The following ADCYAP1R1 variants were observed in gnomAD, a reference collection of about 807,000 sequenced individuals.
ADCYAP1R1 encodes pituitary adenylate cyclase-activating polypeptide type I receptor.
In ADCYAP1R1, 44 loss-of-function variants were observed where a neutral mutation model predicts 67.6. That is an observed-to-expected ratio of 0.65 (90% CI 0.51 to 0.84). The LOEUF (loss-of-function observed/expected upper bound fraction) is 0.84. Among genes scored for constraint, ADCYAP1R1 ranks in the 40% least tolerant of loss-of-function variants. The probability of loss-of-function intolerance (pLI) is 0.00; values close to 1 mark genes in which losing one functional copy is unlikely to be tolerated. For synonymous variants in ADCYAP1R1, 222 were observed against 219.6 expected (o/e 1.01, Z -0.10); for missense variants, 477 against 587.9 (o/e 0.81, Z 1.95).
chr7:31,091,632 G>A (rs1795965530), intron 12 of ADCYAP1R1, among the ~76,000 whole-genome samples: 1 of 152,004 alleles, frequency 6.6e-6, no homozygotes, highest in Non-Finnish European at 1.5e-5. Context: ...TCTGCCTATG[G>A]TGAACCAGCA....
chr7:31,070,650 C>T lies in ADCYAP1R1; in HGVS notation c.157+5714C>T, dbSNP rs74842209. On this transcript the variant is annotated intron_variant, in intron 3 of 15. Coordinates refer to ENST00000304166, the MANE Select transcript of ADCYAP1R1 (RefSeq NM_001118.5). ...AAGCCTGAGGAAAGGGTGGTGTCTG[C>T]AGGGACCCTCATGCTGAGGAACTTA... 1.2e-4 allele frequency among the ~76,000 whole-genome samples: 18 copies of T among 152,358 alleles called. No individual in the cohort carries two copies. The East Asian group carries it at 3.3e-3, about 28-fold the overall frequency.
chr7:31,069,828 G>A (rs1794900643), intron 3 of ADCYAP1R1, among the ~76,000 whole-genome samples: 1 of 152,212 alleles, frequency 6.6e-6, no homozygotes, highest in Non-Finnish European at 1.5e-5. Flanking sequence ...GCCGTGGGGA[G>A]TGAAAGCAAG....
rs1368055202 is a variant in ADCYAP1R1, at chr7:31,108,243, G to A, written c.*1559G>A. On this transcript the variant is annotated 3_prime_UTR_variant, in exon 16 of 16. Transcript: ENST00000304166. ...AGAGGCTTTCAGAGTGGCTGGAAAA[G>A]GCTCTTGTTGCTGTAATTTAGAGAG... 1.3e-5 allele frequency: 2 copies of A among 152,236 alleles called. No individual in the cohort carries two copies. The highest frequency in any genetic ancestry group is 2.9e-5 in the Non-Finnish European group (2 of 68,046). 9.4% of individuals were successfully genotyped at this position (152,236 alleles called of 1,614,324 possible).
At position 31,108,147 on chromosome 7, in the gene ADCYAP1R1, T is replaced by A. The variant is rs4403321; in HGVS notation, c.*1463T>A. Reference sequence around the variant, plus strand: ...GATGCTCTGGAATGCTTGGGGACTTTGGGTGGAGGAGGATGTTACTTCATT... The same window carrying A: ...GATGCTCTGGAATGCTTGGGGACTTAGGGTGGAGGAGGATGTTACTTCATT... On this transcript the variant is annotated 3_prime_UTR_variant, in exon 16 of 16. Coordinates refer to ENST00000304166, the MANE Select transcript of ADCYAP1R1 (RefSeq NM_001118.5). 1 of 152,126 alleles carries A rather than the reference T, an allele frequency of 6.6e-6. No individual in the cohort carries two copies. The highest frequency in any genetic ancestry group is 1.5e-5 in the Non-Finnish European group (1 of 68,014). The allele number at this position is 152,126 out of a possible 1,614,324, so 9.4% of individuals were successfully genotyped here.
In ADCYAP1R1 at chr7:31,086,854, C is replaced by CA; in HGVS notation, c.824-87dup. 7.4e-7 allele frequency: 1 copy of CA among 1,360,216 alleles called. No individual in the cohort carries two copies. The highest frequency in any genetic ancestry group is 1.1e-6 in the Non-Finnish European group (1 of 950,966). 84.3% of individuals were successfully genotyped at this position (1,360,216 alleles called of 1,614,324 possible). On this transcript the variant is annotated intron_variant, in intron 10 of 15. Coordinates refer to ENST00000304166, the MANE Select transcript of ADCYAP1R1 (RefSeq NM_001118.5). This position sits in a 1 kb window ranked among gnomAD's most constrained non-coding sequence, Gnocchi z 5.0. Reference sequence around the variant, plus strand: ...AGGAATTCCAAGTCTCATGGGGGAGCAATAGCCTCTCGGAGCCCCAGGTCT... The same window carrying CA: ...AGGAATTCCAAGTCTCATGGGGGAGCAAATAGCCTCTCGGAGCCCCAGGTCT...
intron 13 of ADCYAP1R1, among the ~76,000 whole-genome samples, chr7:31,096,798 AGGAGAGACCCTAT>A (rs1175973384): frequency 6.6e-6 from 1 of 152,032 alleles, no homozygotes; most frequent in Admixed American, 6.5e-5. Flanking sequence ...TCTTAGCATC[AGGAGAGACCCTAT>A]GGAGTGTGTT....
chr7:31,093,263 C>G (rs980009740), intron 13 of ADCYAP1R1, among the ~76,000 whole-genome samples: 1 of 152,170 alleles, frequency 6.6e-6, no homozygotes, highest in Admixed American at 6.5e-5. Flanking sequence ...AGCTCTACCT[C>G]TGCATGTGGT....
At chr7:31,067,201 C>A (rs865793397) in intron 3 of ADCYAP1R1, among the ~76,000 whole-genome samples, 3 of 152,190 alleles carry the variant, frequency 2.0e-5, no homozygotes. Flanking sequence ...GGAGGCTGCA[C>A]CCTCTCACGA....
intron 13 of ADCYAP1R1, among the ~76,000 whole-genome samples, chr7:31,099,100 CAG>C (rs1164993065): frequency 3.3e-5 from 5 of 152,208 alleles, no homozygotes; most frequent in African/African-American, 9.6e-5. Flanking sequence ...GCTGGAGACA[CAG>C]AGAGTCAGCC....
intron 13 of ADCYAP1R1, among the ~76,000 whole-genome samples, chr7:31,100,993 C>A (rs1184561027): frequency 6.6e-6 from 1 of 152,222 alleles, no homozygotes; most frequent in Non-Finnish European, 1.5e-5. Context: ...GGCCCCGTGT[C>A]ATTTTGGGTA....
chr7:31,087,799 C>A, intron 12 of ADCYAP1R1, 103 bp downstream of exon 12: 1 of 842,258 alleles, frequency 1.2e-6, no homozygotes, highest in East Asian at 2.6e-5. Flanking sequence ...CTGACTTCCT[C>A]CTCTGTCATG....
At chr7:31,057,617 C>T (rs557191805) in intron 1 of ADCYAP1R1, among the ~76,000 whole-genome samples, 1 of 151,224 alleles carries the variant, frequency 6.6e-6, no homozygotes, top group African/African-American at 2.4e-5. Context: ...AGGAGTTTGT[C>T]TGTGCCCTTT....
intron 5 of ADCYAP1R1, 58 bp from the exon 6 acceptor site, chr7:31,081,655 A>C: frequency 7.0e-7 from 1 of 1,421,904 alleles, no homozygotes; most frequent in Non-Finnish European, 9.7e-7. Flanking sequence ...GTGGAGAGTA[A>C]ACAGTAGCTA....
chr7:31,077,609 A>T (rs1795318624), intron 3 of ADCYAP1R1, among the ~76,000 whole-genome samples: 2 of 99,014 alleles, frequency 2.0e-5, no homozygotes, highest in African/African-American at 8.3e-5. Context: ...GTGTTGTGTG[A>T]ATGTGTGTGT....
intron 13 of ADCYAP1R1, among the ~76,000 whole-genome samples, chr7:31,093,334 A>G (rs1185897296): frequency 6.6e-6 from 1 of 151,862 alleles, no homozygotes; most frequent in African/African-American, 2.4e-5. Flanking sequence ...TTATTGGGTT[A>G]CAGGGCAGCC....
Position 31,106,571 on chromosome 7 carries a change from C to T in ADCYAP1R1, c.1294C>T (p.His432Tyr), listed in dbSNP as rs151305519. 3.0e-5 allele frequency: 48 copies of T among 1,613,990 alleles called. No homozygotes were observed. In the African/African-American group the frequency reaches 6.0e-4, roughly 20 times the overall value. Residue 432 changes from histidine to tyrosine, a missense_variant, in exon 16 of 16, where the codon CAC becomes TAC. His to Tyr is a moderately conservative substitution (Grantham distance 83). Transcript: ENST00000304166. Reference sequence around the variant, plus strand: ...CTTCGCTGTGGACTTCAAGCACCGACACCCGTCTCTGGCCAGCAGTGGGGT... The same window carrying T: ...CTTCGCTGTGGACTTCAAGCACCGATACCCGTCTCTGGCCAGCAGTGGGGT... ...RYFAVDFKHR[H>Y]PSLASSGVNG...
intron 7 of ADCYAP1R1, 40 bp downstream of exon 7, chr7:31,084,290 A>G (rs752343994): frequency 1.3e-6 from 2 of 1,570,462 alleles, no homozygotes; most frequent in Admixed American, 1.7e-5. Context: ...TGGTGAGGGT[A>G]GGGCTGAGGA....
rs376285833 is a variant in ADCYAP1R1, at chr7:31,054,362, C to T, written c.-72+1684C>T. On this transcript the variant is annotated intron_variant, in intron 1 of 15. Coordinates refer to ENST00000304166, the MANE Select transcript of ADCYAP1R1 (RefSeq NM_001118.5). ...TGAAAGGATCCCTCTCCTGCACTCT[C>T]GGGACTGATCTAAGCTAAGGGGTGC... is the stretch of plus-strand genomic sequence containing the variant. Among the ~76,000 whole-genome samples, 1,295 of 152,174 alleles carry T rather than the reference C, an allele frequency of 8.5e-3. 8 individuals carry two copies. Among genetic ancestry groups the T allele is most frequent in the Middle Eastern group, 0.024 (7 of 294 alleles).
In ADCYAP1R1 at chr7:31,096,670, C is replaced by T. The variant is rs2267736; in HGVS notation, c.1046+3935C>T. Among the ~76,000 whole-genome samples, 9 of 151,826 alleles carry T rather than the reference C, an allele frequency of 5.9e-5. No homozygotes were observed. The South Asian group carries it at 6.2e-4, about 11-fold the overall frequency. Reference sequence around the variant, plus strand: ...GAGGAGTGGCTCGTCCTTGTGGTTGCGGAGGAGGTGGTGGTGGGCAGGAAG... The same window carrying T: ...GAGGAGTGGCTCGTCCTTGTGGTTGTGGAGGAGGTGGTGGTGGGCAGGAAG... On this transcript the variant is annotated intron_variant, in intron 13 of 15. Transcript: ENST00000304166.
Sources: allele counts gnomAD v4.1 joint callset (sites outside exome capture counted in the v4.1 genomes callset), GRCh38; gene constraint gnomAD v4.1.1; non-coding constraint Gnocchi (gnomAD v3.1); transcripts MANE v1.5; gene names NCBI Gene and HGNC (gene_info 2026-07-23, HGNC 2026-07-21).